Variants in SPINK13 observed in about 807,000 individuals in gnomAD.
SPINK13 encodes serine protease inhibitor Kazal-type 13.
SPINK13 carries 11 observed loss-of-function variants against 11.0 expected under a neutral mutation model. That is an observed-to-expected ratio of 1.00 (90% CI 0.63 to 1.65). The LOEUF (loss-of-function observed/expected upper bound fraction) is 1.65, where lower values mean the gene tolerates loss of function less well. SPINK13 is among the 40% of genes most tolerant of loss of function. The pLI, the probability that SPINK13 is intolerant of heterozygous loss-of-function variation, is 0.00. For missense variants in SPINK13, 113 were observed against 117.7 expected (o/e 0.96, Z 0.19); for synonymous variants, 31 against 35.6 (o/e 0.87, Z 0.46).
In SPINK13 at chr5:148,286,059, AG is replaced by A; in HGVS notation, c.*12del. On this transcript the variant is annotated 3_prime_UTR_variant, in exon 5 of 5. Transcript: ENST00000398450. ...GGAAAATGTGATTAATGGGTACCAGAGTAACTACACTTGCTTATTCTTTTTC... is the reference window on the plus strand; with the variant it reads ...GGAAAATGTGATTAATGGGTACCAGATAACTACACTTGCTTATTCTTTTTC... 1 of 1,422,260 alleles carries A rather than the reference AG, an allele frequency of 7.0e-7. No homozygotes were observed. Among genetic ancestry groups the A allele is most frequent in the Non-Finnish European group, 9.6e-7 (1 of 1,039,592 alleles). 88.1% of individuals were successfully genotyped at this position (1,422,260 alleles called of 1,614,324 possible). A position where few individuals can be genotyped will look rare whatever the true frequency, so the allele number is the denominator to read the frequency against.
In SPINK13 at chr5:148,273,378, A is replaced by G. The variant is rs147494295; in HGVS notation, c.71-969A>G. Among the ~76,000 whole-genome samples, 1,039 of 152,174 alleles carry G rather than the reference A, an allele frequency of 6.8e-3. 14 individuals are homozygous for G. The highest frequency in any genetic ancestry group is 0.02 in the African/African-American group (813 of 41,554). ...AAAAAGGAATTATGTCATTTTAATT[A>G]TTGTATAGTTTTATTTTTTTATGTT... On this transcript the variant is annotated intron_variant, in intron 2 of 4. Coordinates refer to ENST00000398450, the MANE Select transcript of SPINK13 (RefSeq NM_001040129.3).
intron 4 of SPINK13, among the ~76,000 whole-genome samples, chr5:148,283,402 T>C (rs1306834425): frequency 6.6e-6 from 1 of 152,186 alleles, no homozygotes; most frequent in Non-Finnish European, 1.5e-5. Context: ...AAACATACCC[T>C]ATTGCACAGA....
At chr5:148,282,610 G>A (rs752473013) in intron 4 of SPINK13, among the ~76,000 whole-genome samples, 5 of 152,126 alleles carry the variant, frequency 3.3e-5, no homozygotes, top group Non-Finnish European at 7.3e-5. Flanking sequence ...TCAGTGTTTG[G>A]TAGCTATTAA....
At chr5:148,282,029 G>T in intron 3 of SPINK13, 75 bp from the exon 4 acceptor site, 1 of 1,568,166 alleles carries the variant, frequency 6.4e-7, no homozygotes, top group African/African-American at 1.4e-5. Flanking sequence ...TTTTTTAAGT[G>T]GGGCAGAAGT....
chr5:148,270,869 G>T (rs1185745326), intron 2 of SPINK13: 3 of 152,234 alleles, frequency 2.0e-5, no homozygotes, highest in African/African-American at 7.2e-5. Flanking sequence ...CAGTAAAAGG[G>T]CCATGGGCCG....
At chr5:148,269,968 G>T in intron 1 of SPINK13, 72 bp from the exon 2 acceptor site, 1 of 1,079,406 alleles carries the variant, frequency 9.3e-7, no homozygotes, top group Non-Finnish European at 1.4e-6. Flanking sequence ...ATCACCTTAG[G>T]GTATTGTGTT....
intron 4 of SPINK13, 34 bp downstream of exon 4, chr5:148,282,265 C>T (rs1581168664): frequency 1.2e-6 from 2 of 1,607,148 alleles, no homozygotes; most frequent in Non-Finnish European, 1.7e-6. Flanking sequence ...TATTTTTTCC[C>T]TCTACTTCTT....
At chr5:148,279,096 T>G (rs1251471728) in intron 3 of SPINK13, among the ~76,000 whole-genome samples, 136 of 138,560 alleles carry the variant, frequency 9.8e-4, no homozygotes, top group African/African-American at 3.7e-3. Context: ...CCCTGCTTTT[T>G]TTTTTTTTTT....
chr5:148,281,987 T>G, intron 3 of SPINK13, 117 bp from the exon 4 acceptor site: 1 of 1,404,878 alleles, frequency 7.1e-7, no homozygotes, highest in Non-Finnish European at 9.6e-7. Context: ...GAATCCTTGA[T>G]AAGATCAATT....
chr5:148,271,119 C>A (rs1460150082), intron 2 of SPINK13, among the ~76,000 whole-genome samples: 3 of 152,168 alleles, frequency 2.0e-5, no homozygotes, highest in Admixed American at 2.0e-4. Context: ...ACACTATAAC[C>A]TCATGTTTGC....
chr5:148,271,806 A>C (rs1023425043), intron 2 of SPINK13, among the ~76,000 whole-genome samples: 3 of 151,136 alleles, frequency 2.0e-5, no homozygotes, highest in African/African-American at 7.3e-5. Flanking sequence ...TTGTATTTTT[A>C]GTAGAGACGA....
intron 3 of SPINK13, among the ~76,000 whole-genome samples, chr5:148,276,635 C>G (rs984560532): frequency 6.6e-6 from 1 of 152,074 alleles, no homozygotes; most frequent in Non-Finnish European, 1.5e-5. Flanking sequence ...TCTGAGGCCT[C>G]TGTTCTGTTC....
chr5:148,281,061 C>A (rs1188850770), intron 3 of SPINK13, among the ~76,000 whole-genome samples: 1 of 152,180 alleles, frequency 6.6e-6, no homozygotes, highest in Non-Finnish European at 1.5e-5. Flanking sequence ...GTCGGAACTT[C>A]CCAGTGGCTT....
At chr5:148,282,277 A>C in intron 4 of SPINK13, 46 bp downstream of exon 4, 1 of 1,602,886 alleles carries the variant, frequency 6.2e-7, no homozygotes, top group African/African-American at 1.3e-5. Flanking sequence ...CTACTTCTTC[A>C]CAGAAATTTC....
At chr5:148,275,119 T>G (rs907455527) in intron 3 of SPINK13, among the ~76,000 whole-genome samples, 17 of 152,196 alleles carry the variant, frequency 1.1e-4, no homozygotes, top group Non-Finnish European at 4.4e-5. Flanking sequence ...TTTCTCCTAA[T>G]GCTATTCCTC....
intron 3 of SPINK13, among the ~76,000 whole-genome samples, chr5:148,279,796 C>T (rs1390717607): frequency 6.6e-6 from 1 of 152,066 alleles, no homozygotes; most frequent in East Asian, 1.9e-4. Context: ...TTGTGGTGTT[C>T]TCTGTTTATC....
rs965839135 is a variant in SPINK13, at chr5:148,286,254, C to T, written c.*206C>T. ...AATAAACAACAAAAGAGCTGATATTCATTTCTGTGTATTGATTGTTTTAAG... is the reference window on the plus strand; with the variant it reads ...AATAAACAACAAAAGAGCTGATATTTATTTCTGTGTATTGATTGTTTTAAG... On this transcript the variant is annotated 3_prime_UTR_variant, in exon 5 of 5. Transcript: ENST00000398450. The T allele has an allele frequency of 1.8e-5, 6 of 326,278 alleles. No homozygotes were observed. The highest frequency in any genetic ancestry group is 1.3e-4 in the African/African-American group (6 of 46,072). 20.2% of individuals were successfully genotyped at this position (326,278 alleles called of 1,614,324 possible).
At chr5:148,276,594 G>C (rs1288179632) in intron 3 of SPINK13, among the ~76,000 whole-genome samples, 1 of 152,172 alleles carries the variant, frequency 6.6e-6, no homozygotes, top group East Asian at 1.9e-4. Flanking sequence ...GTTTGTCAAA[G>C]ATCAGGTGGT....
At chr5:148,281,744 CAGTTTTAATA>C (rs953021919) in intron 3 of SPINK13, among the ~76,000 whole-genome samples, 94 of 150,944 alleles carry the variant, frequency 6.2e-4, no homozygotes, top group African/African-American at 2.3e-3. Context: ...ATCTTGCCTG[CAGTTTTAATA>C]AGTTTTAATA....
Sources: gnomAD v4.1 joint callset for allele counts (sites outside exome capture counted in the v4.1 genomes callset) on GRCh38, gnomAD v4.1.1 for gene constraint, MANE v1.5 for transcripts, NCBI Gene and HGNC (gene_info 2026-07-23, HGNC 2026-07-21) for gene names.